Variants in XXYLT1 observed in about 807,000 individuals in gnomAD.
XXYLT1 encodes UDP-xylose:alpha-xyloside alpha-1,3-xylosyltransferase.
Under a neutral mutation model 28.9 loss-of-function variants are expected in XXYLT1, and 20 were observed. That is an observed-to-expected ratio of 0.69 (90% CI 0.49 to 1.00). The LOEUF is 1.00. Ranked by LOEUF, XXYLT1 falls within the 50% of genes least tolerant of loss-of-function variation. The pLI is 0.00. For synonymous variants in XXYLT1, 257 were observed against 253.8 expected (o/e 1.01, Z -0.12); for missense variants, 542 against 560.1 (o/e 0.97, Z 0.33).
chr3:195,088,000 C>G (rs779344773), intron 3 of XXYLT1, among the ~76,000 whole-genome samples: 2 of 151,998 alleles, frequency 1.3e-5, no homozygotes, highest in South Asian at 2.1e-4. Context: ...CGGCGCACCA[C>G]GAGATTACAT....
rs1011197882 is a variant in XXYLT1 at position 195,257,727 on chromosome 3, C to T, written c.504+12828G>A. ...GAGCCACACACTCACCCAGCCAGGC[C>T]GCCCTACCCCAGCTGCCCCCCTCTG... On this transcript the variant is annotated intron_variant, in intron 1 of 3. Transcript: ENST00000310380. The surrounding 1 kb of genome is among the most constrained non-coding windows in gnomAD (Gnocchi z 4.3). Among the ~76,000 whole-genome samples, 17 of 152,072 alleles carry T rather than the reference C, an allele frequency of 1.1e-4. No homozygotes were observed. The highest frequency in any genetic ancestry group is 3.6e-4 in the African/African-American group (15 of 41,396).
At chr3:195,171,569 A>G (rs151200693) in intron 2 of XXYLT1, among the ~76,000 whole-genome samples, 2 of 152,326 alleles carry the variant, frequency 1.3e-5, no homozygotes, top group African/African-American at 4.8e-5. Context: ...TATCTGGATT[A>G]TTGGTGTCTT....
chr3:195,072,972 G>A (rs757204771), intron 3 of XXYLT1, among the ~76,000 whole-genome samples: 1 of 152,178 alleles, frequency 6.6e-6, no homozygotes, highest in Non-Finnish European at 1.5e-5. Flanking sequence ...AGGCAGTACC[G>A]CCAATCCCCC....
At position 195,243,287 on chromosome 3, in the gene XXYLT1, C is replaced by T. The variant is rs142061187; in HGVS notation, c.505-16431G>A. ...TGACGAGTTAATGGGTGCAGCACACCATCATGGCACATGTATACATATGTA... is the reference window on the plus strand; with the variant it reads ...TGACGAGTTAATGGGTGCAGCACACTATCATGGCACATGTATACATATGTA... On this transcript the variant is annotated intron_variant, in intron 1 of 3. Transcript: ENST00000310380. Among the ~76,000 whole-genome samples, 892 of 151,586 alleles carry T rather than the reference C, an allele frequency of 5.9e-3. 9 individuals carry two copies. Among genetic ancestry groups the T allele is most frequent in the African/African-American group, 0.02 (838 of 41,286 alleles).
chr3:195,122,918 G>A (rs552489578), intron 3 of XXYLT1, among the ~76,000 whole-genome samples: 9 of 152,140 alleles, frequency 5.9e-5, no homozygotes, highest in Non-Finnish European at 1.3e-4. Context: ...AGCTGGAAAG[G>A]ACCAGGTGCT....
intron 2 of XXYLT1, among the ~76,000 whole-genome samples, chr3:195,204,478 T>A (rs1255584733): frequency 1.5e-5 from 2 of 130,306 alleles, no homozygotes; most frequent in African/African-American, 5.9e-5. Context: ...ACTCTCTCAC[T>A]CTCTCTCTCT....
At chr3:195,072,869 G>A (rs1052225130) in intron 3 of XXYLT1, among the ~76,000 whole-genome samples, 7 of 152,198 alleles carry the variant, frequency 4.6e-5, no homozygotes, top group Non-Finnish European at 8.8e-5. Flanking sequence ...TAGAGGAATC[G>A]CATCAGCCTC....
chr3:195,079,533 TATA>T (rs1480702765), intron 3 of XXYLT1, among the ~76,000 whole-genome samples: 1 of 152,158 alleles, frequency 6.6e-6, no homozygotes, highest in Non-Finnish European at 1.5e-5. Context: ...ATGTATTCAG[TATA>T]ATGTTTGTAA....
At chr3:195,187,310 G>A (rs1426275204) in intron 2 of XXYLT1, among the ~76,000 whole-genome samples, 2 of 150,960 alleles carry the variant, frequency 1.3e-5, no homozygotes, top group Non-Finnish European at 2.9e-5. Flanking sequence ...TGATCCACCC[G>A]CCTTGGCCTC....
At chr3:195,120,238 T>TG (rs34907449) in intron 3 of XXYLT1, among the ~76,000 whole-genome samples, 1 of 149,874 alleles carries the variant, frequency 6.7e-6, no homozygotes, top group Non-Finnish European at 1.5e-5. Flanking sequence ...CCCATCCTCC[T>TG]GGGGGTGCCC....
chr3:195,101,834 G>GAGGGT, intron 3 of XXYLT1, among the ~76,000 whole-genome samples: 1 of 145,660 alleles, frequency 6.9e-6, no homozygotes, highest in African/African-American at 2.5e-5. Flanking sequence ...GAGGGGAGGG[G>GAGGGT]AGGAGAGGGG....
chr3:195,132,412 A>G (rs1296245308), intron 3 of XXYLT1, among the ~76,000 whole-genome samples: 1 of 151,660 alleles, frequency 6.6e-6, no homozygotes, highest in African/African-American at 2.4e-5. Flanking sequence ...GGCTGCAGTG[A>G]GCCAAGATCG....
At chr3:195,085,156 A>C (rs1715650324) in intron 3 of XXYLT1, among the ~76,000 whole-genome samples, 1 of 152,224 alleles carries the variant, frequency 6.6e-6, no homozygotes, top group African/African-American at 2.4e-5. Flanking sequence ...AATGATTGCC[A>C]TATGAAAGTT....
At chr3:195,235,512 C>T (rs1228110257) in intron 1 of XXYLT1, among the ~76,000 whole-genome samples, 1 of 152,100 alleles carries the variant, frequency 6.6e-6, no homozygotes, top group Non-Finnish European at 1.5e-5. Flanking sequence ...CAAGACTGGC[C>T]CCTGGTGCCT....
rs1249910752 is a variant in XXYLT1, at chr3:195,255,272, G to A, written c.504+15283C>T. Among the ~76,000 whole-genome samples, 1 of 152,216 alleles carries A rather than the reference G, an allele frequency of 6.6e-6. No homozygotes were observed. Among genetic ancestry groups the A allele is most frequent in the African/African-American group, 2.4e-5 (1 of 41,452 alleles). On this transcript the variant is annotated intron_variant, in intron 1 of 3. Coordinates refer to ENST00000310380, the MANE Select transcript of XXYLT1 (RefSeq NM_152531.5). This position sits in a 1 kb window ranked among gnomAD's most constrained non-coding sequence, Gnocchi z 4.5. ...GGAGATCCCTGTGACAGTCACGGCA[G>A]GACTGGGGCTGCAGGAGTGCAGAGC...
intron 1 of XXYLT1, among the ~76,000 whole-genome samples, chr3:195,254,468 T>C (rs1406623096): frequency 6.6e-6 from 1 of 152,226 alleles, no homozygotes; most frequent in East Asian, 1.9e-4. Context: ...ACCCTCTCAC[T>C]CTTGCTCAGC....
At chr3:195,072,428 C>T (rs1240881383) in intron 3 of XXYLT1, among the ~76,000 whole-genome samples, 1 of 152,182 alleles carries the variant, frequency 6.6e-6, no homozygotes, top group African/African-American at 2.4e-5. Context: ...TCTGTGTCTG[C>T]AGCAAGGAGG....
chr3:195,112,582 CGCACACACACACACGCAT>C (rs1296845678), intron 3 of XXYLT1, among the ~76,000 whole-genome samples: 99 of 146,150 alleles, frequency 6.8e-4, no homozygotes, highest in Middle Eastern at 7.4e-3. Flanking sequence ...CACACACGCA[CGCACACACACACACGCAT>C]GCACACACAC....
intron 2 of XXYLT1, among the ~76,000 whole-genome samples, chr3:195,188,022 C>T (rs1722274754): frequency 6.6e-6 from 1 of 152,184 alleles, no homozygotes; most frequent in African/African-American, 2.4e-5. Context: ...CAACTAACGT[C>T]TCAACGAGCT....
Sources: allele counts gnomAD v4.1 joint callset (sites outside exome capture counted in the v4.1 genomes callset), GRCh38; gene constraint gnomAD v4.1.1; non-coding constraint Gnocchi (gnomAD v3.1); transcripts MANE v1.5; gene names NCBI Gene and HGNC (gene_info 2026-07-23, HGNC 2026-07-21).